Variants in TMEM132C observed in about 807,000 individuals in gnomAD.
TMEM132C encodes the protein transmembrane protein 132C.
Under a neutral mutation model 61.4 loss-of-function variants are expected in TMEM132C, and 29 were observed. That is an observed-to-expected ratio of 0.47 (90% CI 0.35 to 0.64). The LOEUF is 0.64. Ranked by LOEUF, TMEM132C falls within the 30% of genes least tolerant of loss-of-function variation. TMEM132C has a pLI of 0.00. For missense variants in TMEM132C, 1,408 were observed against 1,476.9 expected, an observed-to-expected ratio of 0.95 and a Z score of 0.76; for synonymous variants, 656 against 633.1, an observed-to-expected ratio of 1.04 and a Z score of -0.54.
At position 128,557,183 on chromosome 12, in the gene TMEM132C, C is replaced by T. The variant is rs149255262; in HGVS notation, c.1121+13080C>T. On this transcript the variant is annotated intron_variant, in intron 3 of 8. Transcript: ENST00000435159. ...GTCATCTTACACCAAGGGACCCTTC[C>T]CACTTCCCAGCCCAGCATTACCTCT... 2.0e-3 allele frequency among the ~76,000 whole-genome samples: 299 copies of T among 152,278 alleles called. 2 individuals carry two copies. Among genetic ancestry groups the T allele is most frequent in the African/African-American group, 6.8e-3 (283 of 41,552 alleles).
intron 1 of TMEM132C, among the ~76,000 whole-genome samples, chr12:128,324,612 C>T (rs147035112): frequency 2.6e-4 from 39 of 152,314 alleles, no homozygotes; most frequent in Non-Finnish European, 3.1e-4. Flanking sequence ...GTAATCCCAG[C>T]ACCTTGGGAG....
chr12:128,418,521 G>A (rs2136024854), intron 2 of TMEM132C, among the ~76,000 whole-genome samples: 1 of 152,280 alleles, frequency 6.6e-6, no homozygotes, highest in Non-Finnish European at 1.5e-5. Flanking sequence ...CAACATGACT[G>A]AAGGCGCTTC....
chr12:128,359,820 C>G (rs538285689), intron 1 of TMEM132C, among the ~76,000 whole-genome samples: 1 of 152,214 alleles, frequency 6.6e-6, no homozygotes, highest in South Asian at 2.1e-4. Flanking sequence ...CAACAGAAAC[C>G]TGATTGGCGC....
At chr12:128,503,405 T>C (rs184425486) in intron 2 of TMEM132C, among the ~76,000 whole-genome samples, 1 of 152,346 alleles carries the variant, frequency 6.6e-6, no homozygotes, top group Admixed American at 6.5e-5. Context: ...TGCTGAACTC[T>C]TCCTCCTCAG....
Position 128,414,949 on chromosome 12 carries a change from C to G in TMEM132C, c.303C>G (p.Pro101=), listed in dbSNP as rs77776935. 1 of 1,551,786 alleles carries G rather than the reference C, an allele frequency of 6.4e-7. No individual in the cohort carries two copies. The highest frequency in any genetic ancestry group is 1.2e-5 in the South Asian group (1 of 84,050). Residue 101 remains proline, a synonymous_variant, in exon 2 of 9, where the codon CCC becomes CCG. Transcript: ENST00000435159. Reference sequence around the variant, plus strand: ...CAGTGCTCAATGCCAGCTATGGACCCTTTTCTGTGGAGAAGGTTGTGCCTC... The same window carrying G: ...CAGTGCTCAATGCCAGCTATGGACCGTTTTCTGTGGAGAAGGTTGTGCCTC... The part of the protein sequence containing the change: ...QPPVLNASYG[P]FSVEKVVPLD...
At chr12:128,496,191 C>T (rs1192027137) in intron 2 of TMEM132C, among the ~76,000 whole-genome samples, 1 of 152,186 alleles carries the variant, frequency 6.6e-6, no homozygotes, top group Non-Finnish European at 1.5e-5. Flanking sequence ...AGAGTTTCTG[C>T]TGAGAGATCC....
intron 4 of TMEM132C, among the ~76,000 whole-genome samples, chr12:128,622,288 G>A (rs1953969468): frequency 1.4e-5 from 2 of 138,398 alleles, no homozygotes; most frequent in African/African-American, 5.2e-5. Context: ...AGGTTGCACT[G>A]AGCCAAGATG....
intron 1 of TMEM132C, among the ~76,000 whole-genome samples, chr12:128,280,954 GTGT>G (rs1483141404): frequency 6.6e-6 from 1 of 152,114 alleles, no homozygotes; most frequent in Admixed American, 6.5e-5. Flanking sequence ...AAAAATGTGG[GTGT>G]TGTTACCCAC....
At chr12:128,599,590 G>T (rs981752023) in intron 3 of TMEM132C, among the ~76,000 whole-genome samples, 6 of 152,204 alleles carry the variant, frequency 3.9e-5, no homozygotes, top group Admixed American at 1.3e-4. Flanking sequence ...ACCCCAGGAA[G>T]CTTTACCAAA....
At chr12:128,545,234 G>T (rs895830158) in intron 3 of TMEM132C, among the ~76,000 whole-genome samples, 2 of 152,126 alleles carry the variant, frequency 1.3e-5, no homozygotes, top group Non-Finnish European at 2.9e-5. Flanking sequence ...TTGGTTTTCT[G>T]TTCCTCCATT....
intron 5 of TMEM132C, among the ~76,000 whole-genome samples, chr12:128,678,317 C>T (rs866736452): frequency 9.9e-5 from 15 of 152,170 alleles, no homozygotes; most frequent in African/African-American, 3.6e-4. Context: ...GTGACATTGC[C>T]CTACCGTAGC....
intron 4 of TMEM132C, among the ~76,000 whole-genome samples, chr12:128,624,141 C>T (rs949192318): frequency 5.9e-5 from 9 of 152,022 alleles, no homozygotes; most frequent in African/African-American, 1.7e-4. Context: ...AGAAATTGGG[C>T]GCTCAGCTTC....
At chr12:128,583,601 T>C (rs1875429652) in intron 3 of TMEM132C, among the ~76,000 whole-genome samples, 1 of 152,024 alleles carries the variant, frequency 6.6e-6, no homozygotes, top group African/African-American at 2.4e-5. Context: ...ACAGGGAAGA[T>C]TGAGAGAGCT....
chr12:128,267,325 T>C lies in TMEM132C; in HGVS notation c.-78T>C. 3 of 903,010 alleles carry C rather than the reference T, an allele frequency of 3.3e-6. No homozygotes were observed. The highest frequency in any genetic ancestry group is 4.0e-6 in the Non-Finnish European group (3 of 758,326). 55.9% of individuals were successfully genotyped at this position (903,010 alleles called of 1,614,324 possible). ...CGGGCTGCGGGAGTGGCCCCGGGCA[T>C]GGGGCGGCCGGCGGGGGCCGCGGGC... is the stretch of plus-strand genomic sequence containing the variant. On this transcript the variant is annotated 5_prime_UTR_variant, in exon 1 of 9. An upstream start codon of the reference 5' UTR is lost. Transcript: ENST00000435159.
At chr12:128,279,146 T>C (rs1432006622) in intron 1 of TMEM132C, among the ~76,000 whole-genome samples, 2 of 152,116 alleles carry the variant, frequency 1.3e-5, no homozygotes, top group Admixed American at 6.6e-5. Flanking sequence ...GCAAAGGGAA[T>C]TTTGTTTTCT....
chr12:128,440,909 C>T (rs968395672), intron 2 of TMEM132C, among the ~76,000 whole-genome samples: 12 of 152,210 alleles, frequency 7.9e-5, no homozygotes, highest in Non-Finnish European at 1.3e-4. Flanking sequence ...ATTATCCAGG[C>T]GTCGTGGTGT....
chr12:128,550,048 A>ACTGC (rs1277159516), intron 3 of TMEM132C, among the ~76,000 whole-genome samples: 3 of 152,174 alleles, frequency 2.0e-5, no homozygotes, highest in Non-Finnish European at 4.4e-5. Context: ...AATCTCTTTC[A>ACTGC]CTGCTCTATA....
intron 5 of TMEM132C, among the ~76,000 whole-genome samples, chr12:128,678,698 C>T (rs1173745259): frequency 6.6e-6 from 1 of 152,206 alleles, no homozygotes; most frequent in Non-Finnish European, 1.5e-5. Context: ...GTTGTCACAC[C>T]TGGAGCAGAG....
At chr12:128,660,469 G>A (rs911309290) in intron 4 of TMEM132C, among the ~76,000 whole-genome samples, 2 of 152,178 alleles carry the variant, frequency 1.3e-5, no homozygotes, top group African/African-American at 2.4e-5. Context: ...TAACCTGCAC[G>A]GCTAGAAACG....
Sources: allele counts gnomAD v4.1 joint callset (sites outside exome capture counted in the v4.1 genomes callset), GRCh38; gene constraint gnomAD v4.1.1; transcripts MANE v1.5; gene names NCBI Gene and HGNC (gene_info 2026-07-23, HGNC 2026-07-21).